CLIP2: variants seen among roughly 807,000 people sequenced by gnomAD.
CLIP2 encodes the protein CAP-Gly domain containing linker protein 2, also known as CAP-Gly domain-containing linker protein 2.
In CLIP2, 41 loss-of-function variants were observed where a neutral mutation model predicts 111.7. The observed-to-expected ratio is 0.37, with a 90% CI of 0.29 to 0.48. CLIP2 has a LOEUF of 0.48. Among genes scored for constraint, CLIP2 ranks in the 20% least tolerant of loss-of-function variants. The pLI, the probability that CLIP2 is intolerant of heterozygous loss-of-function variation, is 0.99. For synonymous variants in CLIP2, 660 were observed against 644.2 expected, an observed-to-expected ratio of 1.02 and a Z score of -0.37; for missense variants, 1,160 against 1,422.1, an observed-to-expected ratio of 0.82 and a Z score of 2.96.
intron 12 of CLIP2, 100 bp from the exon 13 acceptor site, chr7:74,389,003 C>T: frequency 2.1e-6 from 3 of 1,416,836 alleles, no homozygotes; most frequent in Non-Finnish European, 2.9e-6. Flanking sequence ...CCTTCATCCC[C>T]TGGGAGAATC....
intron 3 of CLIP2, among the ~76,000 whole-genome samples, chr7:74,353,230 A>C (rs1224234888): frequency 6.6e-6 from 1 of 151,252 alleles, no homozygotes; most frequent in Non-Finnish European, 1.5e-5. Context: ...CCGTATATAC[A>C]GTACTTAATT....
chr7:74,325,202 A>C (rs1475801062), intron 2 of CLIP2, among the ~76,000 whole-genome samples: 3 of 152,174 alleles, frequency 2.0e-5, no homozygotes, highest in African/African-American at 4.8e-5. Context: ...CTGTATCCTC[A>C]GAGCTGTGCC....
chr7:74,305,326 G>A (rs1788448023), intron 1 of CLIP2, among the ~76,000 whole-genome samples: 1 of 152,122 alleles, frequency 6.6e-6, no homozygotes, highest in Admixed American at 6.6e-5. Flanking sequence ...GGTGGGTTGT[G>A]CAGCCTGGCC....
intron 1 of CLIP2, among the ~76,000 whole-genome samples, chr7:74,313,865 A>C (rs575456416): frequency 6.6e-6 from 1 of 152,268 alleles, no homozygotes; most frequent in Non-Finnish European, 1.5e-5. Context: ...GGGTCAACCC[A>C]CATAAGTCAT....
At chr7:74,364,994 TGTGTGTGTG>T (rs1790438730) in intron 8 of CLIP2, 2 of 5,620 alleles carry the variant, frequency 3.6e-4, no homozygotes, top group Non-Finnish European at 6.7e-4. Context: ...TGTTTTTTGT[TGTGTGTGTG>T]TGTGTGTGTG....
intron 1 of CLIP2, among the ~76,000 whole-genome samples, chr7:74,308,242 G>A (rs1788548533): frequency 1.3e-5 from 2 of 152,160 alleles, no homozygotes; most frequent in Non-Finnish European, 1.5e-5. Flanking sequence ...CGGGTGGTAA[G>A]GACTGCAGGG....
intron 5 of CLIP2, 22 bp from the exon 6 acceptor site, chr7:74,357,258 C>T: frequency 2.5e-6 from 4 of 1,611,836 alleles, no homozygotes; most frequent in African/African-American, 2.7e-5. Flanking sequence ...TGAGACCCGC[C>T]TGCATCCACA....
At chr7:74,324,318 T>G (rs1458414959) in intron 2 of CLIP2, among the ~76,000 whole-genome samples, 2 of 152,182 alleles carry the variant, frequency 1.3e-5, no homozygotes, top group East Asian at 3.9e-4. Flanking sequence ...AGCTAGATTG[T>G]GCATTCTACT....
intron 1 of CLIP2, among the ~76,000 whole-genome samples, chr7:74,309,764 AGGAGAATCGCTTGAACCCG>A (rs1313417977): frequency 2.0e-5 from 3 of 151,596 alleles, no homozygotes; most frequent in Non-Finnish European, 2.9e-5. Context: ...AGGTGGAGAC[AGGAGAATCGCTTGAACCCG>A]GGAGAATCGC....
At position 74,372,532 on chromosome 7, in the gene CLIP2, C is replaced by T. The variant is rs74964923; in HGVS notation, c.1381-400C>T. On this transcript the variant is annotated intron_variant, in intron 8 of 16. Coordinates refer to ENST00000223398, the MANE Select transcript of CLIP2 (RefSeq NM_003388.5). ...GCAGGGGAACGGGAACAGGATGGGC[C>T]CCTCCCCAGGAGCAGATCCTTGATG... Among the ~76,000 whole-genome samples, 34 of 152,000 alleles carry T rather than the reference C, an allele frequency of 2.2e-4. No individual in the cohort carries two copies. In the East Asian group the frequency reaches 5.8e-3, roughly 26 times the overall value.
chr7:74,386,365 G>A, intron 11 of CLIP2, 156 bp from the exon 12 acceptor site: 1 of 582,070 alleles, frequency 1.7e-6, no homozygotes. Context: ...TCTTCAGGAG[G>A]GGTTACCCAG....
At chr7:74,326,486 C>A (rs2116524680) in intron 2 of CLIP2, among the ~76,000 whole-genome samples, 1 of 152,278 alleles carries the variant, frequency 6.6e-6, no homozygotes, top group South Asian at 2.1e-4. Flanking sequence ...TGTGGCCTTG[C>A]CTCATGCTGG....
chr7:74,313,807 C>T (rs1296337115), intron 1 of CLIP2, among the ~76,000 whole-genome samples: 1 of 152,164 alleles, frequency 6.6e-6, no homozygotes, highest in African/African-American at 2.4e-5. Context: ...ACCTGATCTT[C>T]TCTGATGGCC....
chr7:74,343,865 C>T (rs499453), intron 3 of CLIP2, among the ~76,000 whole-genome samples: 92,503 of 151,140 alleles, frequency 0.61, 30,244 homozygotes, highest in Middle Eastern at 0.74. Flanking sequence ...ATGGGACCAC[C>T]GCACTCCAGC....
intron 1 of CLIP2, among the ~76,000 whole-genome samples, chr7:74,305,374 C>T (rs890148608): frequency 1.3e-5 from 2 of 152,184 alleles, no homozygotes; most frequent in Admixed American, 6.6e-5. Flanking sequence ...GCCCACCTGT[C>T]GTTGGGTTGC....
chr7:74,375,962 G>C lies in CLIP2; in HGVS notation c.1561G>C (p.Glu521Gln). 6.2e-7 allele frequency: 1 copy of C among 1,608,566 alleles called. No homozygotes were observed. ...ELTLRRGEIE[E>Q]LQQCLLHSGP... Reference sequence around the variant, plus strand: ...CACCCTGCGCCGAGGTGAAATCGAGGAGCTCCAGCAGTGCCTGTTGCACTC... The same window carrying C: ...CACCCTGCGCCGAGGTGAAATCGAGCAGCTCCAGCAGTGCCTGTTGCACTC... Residue 521 changes from glutamate to glutamine, a missense_variant, in exon 10 of 17, where the codon GAG becomes CAG. By Grantham distance (29) the Glu-to-Gln change is conservative. Around this residue, in one of 5 missense-constraint regions of CLIP2, gnomAD observed 676 missense variants for 777.8 expected, o/e 0.87. Transcript: ENST00000223398.
intron 1 of CLIP2, among the ~76,000 whole-genome samples, chr7:74,310,309 C>G (rs229879): frequency 0.6 from 90,558 of 151,710 alleles, 29,676 homozygotes; most frequent in Non-Finnish European, 0.74. Context: ...AGGATCCTTT[C>G]AGTCCAGGAG....
chr7:74,331,562 CTTTTTTTTTTT>C lies in CLIP2; in HGVS notation c.122-6873_122-6863del, dbSNP rs1213774851. ...TCGTTTTCTTTTTCTTTCTTTCTTT[CTTTTTTTTTTT>C]TTTTTTTTTTTTGAGACAGAGTCTC... On this transcript the variant is annotated intron_variant, in intron 2 of 16. Transcript: ENST00000223398. Among the ~76,000 whole-genome samples the C allele has an allele frequency of 5.8e-5, 7 of 120,674 alleles. No homozygotes were observed. The South Asian group carries it at 1.8e-3, about 31-fold the overall frequency. 79.2% of individuals were successfully genotyped at this position (120,674 alleles called of 152,430 possible).
At position 74,397,240 on chromosome 7, in the gene CLIP2, G is replaced by A. The variant is rs1244149794; in HGVS notation, c.2880+7G>A. On this transcript the variant is annotated splice_region_variant and intron_variant, in intron 14 of 16. Transcript: ENST00000223398. ...TGAAAAGCTGACCGGGCTGGTATGT[G>A]GGGTAGGGGTGGCCTAGGGGCAGGG... The A allele has an allele frequency of 1.2e-6, 2 of 1,613,290 alleles. No individual in the cohort carries two copies. The highest frequency in any genetic ancestry group is 1.7e-6 in the Non-Finnish European group (2 of 1,179,682).
Sources: gnomAD v4.1 joint callset for allele counts (sites outside exome capture counted in the v4.1 genomes callset) on GRCh38, gnomAD v4.1.1 for gene constraint, gnomAD v4.1.1 regional missense constraint, MANE v1.5 for transcripts, NCBI Gene and HGNC (gene_info 2026-07-23, HGNC 2026-07-21) for gene names.